The following COL9A3 variants were observed in gnomAD, a reference collection of about 807,000 sequenced individuals.
The protein encoded by COL9A3 is collagen type IX alpha 3 chain.
Under a neutral mutation model 110.2 loss-of-function variants are expected in COL9A3, and 82 were observed. That is an observed-to-expected ratio of 0.74 (90% CI 0.62 to 0.89). The LOEUF (loss-of-function observed/expected upper bound fraction) is 0.89. Among genes scored for constraint, COL9A3 ranks in the 40% least tolerant of loss-of-function variants. The probability of loss-of-function intolerance (pLI) is 0.00; values close to 1 mark genes in which losing one functional copy is unlikely to be tolerated. For synonymous variants in COL9A3, 494 were observed against 403.8 expected (o/e 1.22, Z -2.68); for missense variants, 1,066 against 981.3 (o/e 1.09, Z -1.15).
rs1471465645 is a variant in COL9A3 at position 62,828,930 on chromosome 20, C to T, written c.962C>T (p.Ala321Val). Residue 321 changes from alanine (A) to valine (V), a missense_variant, in exon 19 of 32, where the codon GCT becomes GTT. By Grantham distance (64) the Ala-to-Val change is moderately conservative. Coordinates refer to ENST00000649368, the MANE Select transcript of COL9A3 (RefSeq NM_001853.4). ...CAATCTCTGTCCTCACAGGGAGAGGCTGGTCGCAACGGTGCTCCGGGAGAG... is the reference window on the plus strand; with the variant it reads ...CAATCTCTGTCCTCACAGGGAGAGGTTGGTCGCAACGGTGCTCCGGGAGAG... ...VPGLDGQKGEAGRNGAPGEKG... is the reference protein window; with the variant it reads ...VPGLDGQKGEVGRNGAPGEKG... 6.2e-7 allele frequency: 1 copy of T among 1,611,918 alleles called. No individual in the cohort carries two copies. Among genetic ancestry groups the T allele is most frequent in the Non-Finnish European group, 8.5e-7 (1 of 1,179,806 alleles).
At chr20:62,839,427 C>CA (rs1226063314) in intron 31 of COL9A3, among the ~76,000 whole-genome samples, 4 of 152,204 alleles carry the variant, frequency 2.6e-5, no homozygotes, top group Admixed American at 2.6e-4. Context: ...CGGAGGGAGG[C>CA]AGCGCCAGGA....
At position 62,836,331 on chromosome 20, in the gene COL9A3, C is replaced by T; in HGVS notation, c.1546C>T (p.Pro516Ser). Residue 516 changes from proline (P) to serine (S), a missense_variant and splice_region_variant, in exon 28 of 32, where the codon CCG becomes TCG. Coordinates refer to ENST00000649368, the MANE Select transcript of COL9A3 (RefSeq NM_001853.4). Reference protein sequence around the residue: ...VPGITGKPGVPGKEASEQRIR... With the variant: ...VPGITGKPGVSGKEASEQRIR... ...TGGCATCACGGGGAAGCCGGGAGTT[C>T]CGGTACGTCGCTTTTCCGGCTTTTC... The T allele has an allele frequency of 1.9e-6, 3 of 1,613,814 alleles. No individual in the cohort carries two copies. Among genetic ancestry groups the T allele is most frequent in the Non-Finnish European group, 2.5e-6 (3 of 1,180,024 alleles).
intron 11 of COL9A3, 85 bp downstream of exon 11, chr20:62,824,586 G>A (rs1488080823): frequency 1.0e-5 from 14 of 1,396,248 alleles, no homozygotes; most frequent in Admixed American, 5.9e-5. Flanking sequence ...GGAGGTGGCG[G>A]GTCCAGAAAG....
At chr20:62,833,214 C>T (rs1034842487) in intron 26 of COL9A3, 150 bp downstream of exon 26, 7 of 718,106 alleles carry the variant, frequency 9.7e-6, no homozygotes, top group African/African-American at 5.2e-5. Context: ...GGAGCAGGGT[C>T]GGGCAGAGGC....
At chr20:62,833,326 G>A (rs930933095) in intron 26 of COL9A3, among the ~76,000 whole-genome samples, 2 of 152,234 alleles carry the variant, frequency 1.3e-5, no homozygotes, top group Admixed American at 6.5e-5. Flanking sequence ...GTGGGCTCCC[G>A]CACTCTGCCC....
At chr20:62,832,814 T>A in intron 25 of COL9A3, 1 of 423,308 alleles carries the variant, frequency 2.4e-6, no homozygotes, top group East Asian at 8.5e-5. Context: ...ACAAATGTCT[T>A]CCGTTTTTTG....
intron 19 of COL9A3, 84 bp from the exon 20 acceptor site, chr20:62,829,371 A>G (rs2734527): frequency 6.3e-7 from 1 of 1,576,850 alleles, no homozygotes; most frequent in Non-Finnish European, 8.7e-7. Flanking sequence ...TGGCCCCTGC[A>G]CCCTGCCTGC....
chr20:62,840,960 A>G lies in COL9A3; in HGVS notation c.*228A>G, dbSNP rs41310201. On this transcript the variant is annotated 3_prime_UTR_variant, in exon 32 of 32. Coordinates refer to ENST00000649368, the MANE Select transcript of COL9A3 (RefSeq NM_001853.4). ...AATAAACCTGTAAGCCCAGCATTTGAGAGAAGGTAGGGTGTGTATATATAA... is the reference window on the plus strand; with the variant it reads ...AATAAACCTGTAAGCCCAGCATTTGGGAGAAGGTAGGGTGTGTATATATAA... 82 of 566,502 alleles carry G rather than the reference A, an allele frequency of 1.4e-4. No individual in the cohort carries two copies. The highest frequency in any genetic ancestry group is 2.2e-4 in the Non-Finnish European group (68 of 312,850). The allele number at this position is 566,502 out of a possible 1,614,324, so 35.1% of individuals were successfully genotyped here.
rs2063535346 is a variant in COL9A3, at chr20:62,824,502, G to A, written c.576+1G>A. ...GCCCCCTGGAATGCCAGGGTTCAAG[G>A]TGAGTCACGGGTGACTGGGACCCAA... On this transcript the variant is annotated splice_donor_variant, in intron 11 of 31. Transcript: ENST00000649368. LOFTEE classifies it high-confidence loss of function. 1.3e-6 allele frequency: 2 copies of A among 1,590,762 alleles called. No homozygotes were observed. Among genetic ancestry groups the A allele is most frequent in the African/African-American group, 1.3e-5 (1 of 74,486 alleles).
At chr20:62,836,912 T>A (rs1600811227) in intron 29 of COL9A3, 171 bp from the exon 30 acceptor site, 1 of 911,802 alleles carries the variant, frequency 1.1e-6, no homozygotes, top group East Asian at 2.4e-5. Context: ...GGGTTGGGGG[T>A]CCTTTCTAGC....
intron 17 of COL9A3, among the ~76,000 whole-genome samples, chr20:62,828,218 T>G (rs1005010285): frequency 2.0e-5 from 3 of 151,916 alleles, no homozygotes; most frequent in African/African-American, 7.3e-5. Context: ...GAAGTAAGGG[T>G]GGGTGGGTAG....
At position 62,821,497 on chromosome 20, in the gene COL9A3, G is replaced by A; in HGVS notation, c.346-10G>A. The A allele has an allele frequency of 6.2e-7, 1 of 1,612,912 alleles. No homozygotes were observed. The highest frequency in any genetic ancestry group is 8.5e-7 in the Non-Finnish European group (1 of 1,179,944). ...CCTGGCAGGCTCTGACCCCATGTTT[G>A]GCTTTGCAGGGCAAAGGCCTCCCTG... On this transcript the variant is annotated splice_polypyrimidine_tract_variant and intron_variant, in intron 6 of 31. Transcript: ENST00000649368.
Position 62,824,559 on chromosome 20 carries a change from G to A in COL9A3, c.576+58G>A, listed in dbSNP as rs1284903547. The A allele has an allele frequency of 4.0e-6, 6 of 1,509,424 alleles. No individual in the cohort carries two copies. The African/African-American group carries it at 8.3e-5, about 21-fold the overall frequency. The allele number at this position is 1,509,424 out of a possible 1,614,324, so 93.5% of individuals were successfully genotyped here. ...CCCTGTGCTGGGCAGGAGGCAGCTG[G>A]GCTCCCATGGGGCTGTGGAGGTGGC... On this transcript the variant is annotated intron_variant, in intron 11 of 31. Coordinates refer to ENST00000649368, the MANE Select transcript of COL9A3 (RefSeq NM_001853.4).
chr20:62,830,758 C>T (rs199906022), intron 24 of COL9A3, among the ~76,000 whole-genome samples, 170 bp downstream of exon 24: 2 of 8,886 alleles, frequency 2.3e-4, no homozygotes, highest in East Asian at 0.014. Flanking sequence ...CCAACCCCCA[C>T]CACAGTCCCC....
intron 5 of COL9A3, 105 bp from the exon 6 acceptor site, chr20:62,821,076 C>T (rs2063508666): frequency 2.5e-6 from 3 of 1,205,818 alleles, no homozygotes; most frequent in East Asian, 5.0e-5. Context: ...GACTTGGACC[C>T]TGTTGTCCTG....
intron 30 of COL9A3, 76 bp downstream of exon 30, chr20:62,837,341 C>T: frequency 6.8e-7 from 1 of 1,473,840 alleles, no homozygotes. Flanking sequence ...GGCGCTGCTT[C>T]TGGTGCCTGC....
intron 31 of COL9A3, among the ~76,000 whole-genome samples, 181 bp from the exon 32 acceptor site, chr20:62,840,361 C>T (rs575101441): frequency 2.0e-5 from 3 of 151,122 alleles, no homozygotes; most frequent in African/African-American, 2.5e-5. Flanking sequence ...CGGACACTCC[C>T]GACCGCCAGC....
chr20:62,828,017 G>A (rs1182491413), intron 17 of COL9A3, 41 bp downstream of exon 17: 1 of 1,608,162 alleles, frequency 6.2e-7, no homozygotes, highest in Non-Finnish European at 8.5e-7. Flanking sequence ...CCTCCCCCGG[G>A]TCCTGGGTAT....
chr20:62,821,240 C>A, intron 6 of COL9A3, 24 bp downstream of exon 6: 1 of 1,610,994 alleles, frequency 6.2e-7, no homozygotes, highest in Non-Finnish European at 8.5e-7. Flanking sequence ...GTGGTCCTCT[C>A]CTCTCCATGG....
Sources: allele counts gnomAD v4.1 joint callset (sites outside exome capture counted in the v4.1 genomes callset), GRCh38; gene constraint gnomAD v4.1.1; transcripts MANE v1.5; gene names NCBI Gene and HGNC (gene_info 2026-07-23, HGNC 2026-07-21).